The following UBE3A variants were observed in gnomAD, a reference collection of about 807,000 sequenced individuals.
UBE3A encodes ubiquitin protein ligase E3A.
UBE3A carries 6 observed loss-of-function variants against 83.4 expected under a neutral mutation model. That is an observed-to-expected ratio of 0.07 (90% CI 0.04 to 0.14). The LOEUF (loss-of-function observed/expected upper bound fraction) is 0.14, where lower values mean the gene tolerates loss of function less well. UBE3A is among the 10% of genes least tolerant of loss of function. The pLI, the probability that UBE3A is intolerant of heterozygous loss-of-function variation, is 1.00. For synonymous variants in UBE3A, 337 were observed against 355.4 expected (o/e 0.95, Z 0.58); for missense variants, 456 against 1,036.1 (o/e 0.44, Z 7.69).
At chr15:25,419,164 C>T (rs1888479862) in intron 1 of UBE3A, 1 of 152,062 alleles carries the variant, frequency 6.6e-6, no homozygotes, top group South Asian at 2.1e-4. Context: ...CAATGTATTA[C>T]ACAGCAATAA....
At chr15:25,376,890 T>C (rs1289494721) in intron 4 of UBE3A, among the ~76,000 whole-genome samples, 1 of 152,184 alleles carries the variant, frequency 6.6e-6, no homozygotes, top group Non-Finnish European at 1.5e-5. Flanking sequence ...TGTGACCATG[T>C]AAGAAGTTAG....
At chr15:25,428,031 A>T (rs1327266498) in intron 1 of UBE3A, among the ~76,000 whole-genome samples, 1 of 152,160 alleles carries the variant, frequency 6.6e-6, no homozygotes, top group African/African-American at 2.4e-5. Context: ...GGGCTAAAAA[A>T]GTATATCTCA....
chr15:25,375,811 A>G (rs769556539), intron 4 of UBE3A, 48 bp from the exon 5 acceptor site: 1 of 1,597,108 alleles, frequency 6.3e-7, no homozygotes, highest in Non-Finnish European at 8.5e-7. Context: ...TACAGCTCTC[A>G]AGTACAAAGC....
chr15:25,369,813 G>A (rs2080003102), intron 6 of UBE3A, among the ~76,000 whole-genome samples: 1 of 152,054 alleles, frequency 6.6e-6, no homozygotes, highest in African/African-American at 2.4e-5. Context: ...GGAAAGAAAA[G>A]GAACAAATGG....
intron 4 of UBE3A, among the ~76,000 whole-genome samples, chr15:25,381,552 A>G (rs2082171321): frequency 6.6e-6 from 1 of 152,206 alleles, no homozygotes; most frequent in African/African-American, 2.4e-5. Context: ...TATATTATAC[A>G]GAAGGTAAAG....
chr15:25,387,835 T>C (rs982067021), intron 4 of UBE3A, among the ~76,000 whole-genome samples: 5 of 152,164 alleles, frequency 3.3e-5, no homozygotes, highest in Non-Finnish European at 7.3e-5. Flanking sequence ...AGGGATATTA[T>C]GAACAACTTT....
intron 11 of UBE3A, among the ~76,000 whole-genome samples, chr15:25,353,248 C>T (rs1215006456): frequency 3.3e-5 from 5 of 152,152 alleles, no homozygotes; most frequent in South Asian, 4.1e-4. Flanking sequence ...AAATGACCAA[C>T]GGTGCACCAG....
At chr15:25,430,078 T>C (rs1187202048) in intron 1 of UBE3A, among the ~76,000 whole-genome samples, 2 of 100,392 alleles carry the variant, frequency 2.0e-5, no homozygotes, top group Non-Finnish European at 3.5e-5. Flanking sequence ...ATATAATACA[T>C]ATATATAAGA....
chr15:25,382,396 T>TTA (rs760920270), intron 4 of UBE3A, among the ~76,000 whole-genome samples: 3 of 147,254 alleles, frequency 2.0e-5, no homozygotes, highest in African/African-American at 7.5e-5. Context: ...TGATATATGA[T>TTA]AAAAAAAAAA....
At chr15:25,425,268 T>C (rs777619679) in intron 1 of UBE3A, among the ~76,000 whole-genome samples, 1 of 152,098 alleles carries the variant, frequency 6.6e-6, no homozygotes, top group Non-Finnish European at 1.5e-5. Context: ...AATAAATTCA[T>C]AGAGACAAAG....
chr15:25,360,329 ATAAC>A (rs1225259089), intron 7 of UBE3A, 50 bp downstream of exon 7: 33 of 1,608,092 alleles, frequency 2.1e-5, no homozygotes, highest in Admixed American at 5.0e-5. Flanking sequence ...AGATAAACAA[ATAAC>A]TAACTCAAAA....
chr15:25,371,963 A>G lies in UBE3A; in HGVS notation c.362-151T>C, dbSNP rs1435477502. On this transcript the variant is annotated intron_variant, in intron 5 of 12. Transcript: ENST00000648336. This position sits in a 1 kb window ranked among gnomAD's most constrained non-coding sequence, Gnocchi z 5.3. ...CTTAAAGTATCTAATACTTAGATTCAGCAAACAAAATTTAATGCTTACCTA... is the reference window on the plus strand; with the variant it reads ...CTTAAAGTATCTAATACTTAGATTCGGCAAACAAAATTTAATGCTTACCTA... 2 of 853,970 alleles carry G rather than the reference A, an allele frequency of 2.3e-6. No individual in the cohort carries two copies. The highest frequency in any genetic ancestry group is 3.4e-5 in the African/African-American group (2 of 58,118). The allele number at this position is 853,970 out of a possible 1,614,324, so 52.9% of individuals were successfully genotyped here.
chr15:25,367,988 G>T (rs571366422), intron 6 of UBE3A, among the ~76,000 whole-genome samples: 1 of 151,968 alleles, frequency 6.6e-6, no homozygotes, highest in Non-Finnish European at 1.5e-5. Context: ...TAAAGCCTAG[G>T]ATCCCATAAT....
intron 4 of UBE3A, among the ~76,000 whole-genome samples, chr15:25,394,553 A>G (rs1231450620): frequency 6.6e-6 from 1 of 152,242 alleles, no homozygotes; most frequent in Non-Finnish European, 1.5e-5. Flanking sequence ...TATAGGAAAT[A>G]AAAGCATCCA....
intron 4 of UBE3A, chr15:25,393,944 C>G (rs1169546112): frequency 6.6e-6 from 1 of 152,232 alleles, no homozygotes; most frequent in Non-Finnish European, 1.5e-5. Flanking sequence ...CATCAGCTAA[C>G]TCTACATTAC....
intron 6 of UBE3A, among the ~76,000 whole-genome samples, chr15:25,361,455 A>T (rs547543970): frequency 6.6e-6 from 1 of 152,290 alleles, no homozygotes; most frequent in South Asian, 2.1e-4. Context: ...AACAAACTTT[A>T]GTGTCTAGCA....
intron 4 of UBE3A, among the ~76,000 whole-genome samples, chr15:25,403,639 A>G (rs1246009149): frequency 1.4e-4 from 22 of 152,194 alleles, no homozygotes; most frequent in Admixed American, 1.2e-3. Context: ...TCTCAAAAAG[A>G]TATTTGTACA....
intron 7 of UBE3A, among the ~76,000 whole-genome samples, chr15:25,359,024 TAA>T (rs2077621811): frequency 6.6e-6 from 1 of 152,220 alleles, no homozygotes; most frequent in Admixed American, 6.5e-5. Context: ...AGCTATAAGT[TAA>T]TCAGAATATA....
chr15:25,347,718 C>CA (rs2075903563), intron 11 of UBE3A, among the ~76,000 whole-genome samples: 1 of 151,806 alleles, frequency 6.6e-6, no homozygotes. Context: ...AACAAACAAA[C>CA]AAACAAAACA....
Sources: gnomAD v4.1 joint callset for allele counts (sites outside exome capture counted in the v4.1 genomes callset) on GRCh38, gnomAD v4.1.1 for gene constraint, Gnocchi (gnomAD v3.1) non-coding constraint, MANE v1.5 for transcripts, NCBI Gene and HGNC (gene_info 2026-07-23, HGNC 2026-07-21) for gene names.